The following GLIS3 variants were observed in gnomAD, a reference collection of about 807,000 sequenced individuals.
The protein encoded by GLIS3 is GLIS family zinc finger 3, also known as zinc finger protein GLIS3.
GLIS3 carries 53 observed loss-of-function variants against 78.6 expected under a neutral mutation model. That is an observed-to-expected ratio of 0.67 (90% CI 0.54 to 0.85). The LOEUF is 0.85. GLIS3 is among the 40% of genes least tolerant of loss of function. The probability of loss-of-function intolerance (pLI) is 0.00; values close to 1 mark genes in which losing one functional copy is unlikely to be tolerated. For missense variants in GLIS3, 1,703 were observed against 1,231.1 expected (o/e 1.38, Z -5.74); for synonymous variants, 684 against 509.9 (o/e 1.34, Z -4.60).
chr9:4,248,801 T>G (rs1473265783), intron 2 of GLIS3, among the ~76,000 whole-genome samples: 1 of 152,248 alleles, frequency 6.6e-6, no homozygotes, highest in African/African-American at 2.4e-5. Context: ...TGAGATGGTA[T>G]CTCACTGTGG....
chr9:4,266,942 C>A (rs1826065265), intron 2 of GLIS3, among the ~76,000 whole-genome samples: 1 of 152,178 alleles, frequency 6.6e-6, no homozygotes, highest in African/African-American at 2.4e-5. Flanking sequence ...TACAGACCTG[C>A]TGATAAGTGC....
intron 4 of GLIS3, among the ~76,000 whole-genome samples, chr9:4,014,523 GC>G (rs1822284530): frequency 6.6e-6 from 1 of 152,152 alleles, no homozygotes; most frequent in Admixed American, 6.6e-5. Flanking sequence ...GAAAATGCAG[GC>G]AGAAATTGGA....
chr9:4,091,361 C>T (rs576763974), intron 4 of GLIS3, among the ~76,000 whole-genome samples: 4 of 151,524 alleles, frequency 2.6e-5, no homozygotes, highest in Admixed American at 6.6e-5. Flanking sequence ...AGTGAAACCC[C>T]GTCTCAAAAA....
Position 3,825,082 on chromosome 9 carries a change from G to C in GLIS3, c.*3190C>G, listed in dbSNP as rs1364038087. ...CTATTCCCAATACTTCAAGGCAACTGGAAAGTCAAGGTTCTCAGATGAGGG... is the reference window on the plus strand; with the variant it reads ...CTATTCCCAATACTTCAAGGCAACTCGAAAGTCAAGGTTCTCAGATGAGGG... On this transcript the variant is annotated 3_prime_UTR_variant, in exon 11 of 11. Transcript: ENST00000381971. The C allele has an allele frequency of 2.0e-5, 3 of 152,112 alleles. No individual in the cohort carries two copies. Among genetic ancestry groups the C allele is most frequent in the Non-Finnish European group, 4.4e-5 (3 of 68,018 alleles). The allele number at this position is 152,112 out of a possible 1,614,324, so 9.4% of individuals were successfully genotyped here. A position where few individuals can be genotyped will look rare whatever the true frequency, so the allele number is the denominator to read the frequency against.
chr9:4,163,609 G>C (rs983309438), intron 2 of GLIS3, among the ~76,000 whole-genome samples: 1 of 152,208 alleles, frequency 6.6e-6, no homozygotes, highest in African/African-American at 2.4e-5. Flanking sequence ...ACTGAAATTA[G>C]ACTGCAAAGA....
At chr9:4,358,029 T>C in the GLIS3 span, among the ~76,000 whole-genome samples, 1 of 152,176 alleles carries the variant, frequency 6.6e-6, no homozygotes, top group African/African-American at 2.4e-5. Flanking sequence ...GTCTGTATGA[T>C]CTAATAAGAA....
intron 4 of GLIS3, among the ~76,000 whole-genome samples, chr9:4,093,366 C>G (rs1035416909): frequency 6.6e-6 from 1 of 152,182 alleles, no homozygotes; most frequent in Non-Finnish European, 1.5e-5. Flanking sequence ...AAGGCCCCCT[C>G]TTGCAAAGCG....
intron 4 of GLIS3, among the ~76,000 whole-genome samples, chr9:4,021,842 G>C (rs563936310): frequency 1.7e-4 from 26 of 152,240 alleles, no homozygotes; most frequent in African/African-American, 5.8e-4. Flanking sequence ...CAAAGCAATA[G>C]TTTTTTCAGT....
intron 4 of GLIS3, among the ~76,000 whole-genome samples, chr9:4,024,713 G>C (rs1270454069): frequency 2.0e-5 from 3 of 152,190 alleles, no homozygotes; most frequent in African/African-American, 7.2e-5. Context: ...GGACTTTTAA[G>C]ATTACAGGCA....
intron 2 of GLIS3, among the ~76,000 whole-genome samples, chr9:4,319,544 T>C (rs77786920): frequency 1.3e-5 from 2 of 151,978 alleles, no homozygotes; most frequent in African/African-American, 2.4e-5. Flanking sequence ...CTTTTTTTTT[T>C]CTAGAAACAG....
chr9:4,375,192 C>A, the GLIS3 span, among the ~76,000 whole-genome samples: 3 of 152,082 alleles, frequency 2.0e-5, no homozygotes, highest in East Asian at 1.9e-4. Context: ...TAATCAGCCT[C>A]GTTCAAAAGA....
chr9:4,115,987 C>T (rs917199396), intron 4 of GLIS3, among the ~76,000 whole-genome samples: 4 of 152,172 alleles, frequency 2.6e-5, no homozygotes, highest in African/African-American at 9.6e-5. Context: ...AACCTATCAG[C>T]TTATTCTTTC....
chr9:4,209,360 G>A (rs1820175869), intron 2 of GLIS3, among the ~76,000 whole-genome samples: 1 of 152,150 alleles, frequency 6.6e-6, no homozygotes, highest in Non-Finnish European at 1.5e-5. Flanking sequence ...CATAATGTCA[G>A]GGCATGTTAC....
At position 4,110,391 on chromosome 9, in the gene GLIS3, TCAA is replaced by T. The variant is rs371949127; in HGVS notation, c.1710+7374_1710+7376del. The stretch of plus-strand genomic sequence containing the variant: ...ACTGGTTATATCATGTTCCAATTTC[TCAA>T]CAACTTTTTAAACTAATCATTTAAA... On this transcript the variant is annotated intron_variant, in intron 4 of 10. Transcript: ENST00000381971. 1.1e-3 allele frequency among the ~76,000 whole-genome samples: 170 copies of T among 152,342 alleles called. 2 individuals carry two copies. The highest frequency in any genetic ancestry group is 3.9e-3 in the African/African-American group (162 of 41,590).
At chr9:4,334,697 A>G (rs1053542174) in intron 2 of GLIS3, among the ~76,000 whole-genome samples, 4 of 150,674 alleles carry the variant, frequency 2.7e-5, no homozygotes, top group Non-Finnish European at 5.9e-5. Flanking sequence ...ATACTCCCTC[A>G]ATCCACACTA....
intron 4 of GLIS3, among the ~76,000 whole-genome samples, chr9:4,113,407 A>C (rs1216638286): frequency 2.0e-5 from 3 of 152,200 alleles, no homozygotes; most frequent in Non-Finnish European, 4.4e-5. Context: ...AGGTATTACC[A>C]CATTGATCTC....
intron 2 of GLIS3, among the ~76,000 whole-genome samples, chr9:4,197,555 C>T (rs925326034): frequency 1.3e-5 from 2 of 152,196 alleles, no homozygotes; most frequent in African/African-American, 2.4e-5. Flanking sequence ...ATTTGGTGTC[C>T]GCCCACTGGA....
intron 7 of GLIS3, among the ~76,000 whole-genome samples, chr9:3,883,764 T>C (rs1273648049): frequency 6.6e-6 from 1 of 152,202 alleles, no homozygotes; most frequent in Non-Finnish European, 1.5e-5. Flanking sequence ...CTTCCAGACA[T>C]ACCTGATGAC....
At chr9:4,045,258 G>A (rs1030677566) in intron 4 of GLIS3, among the ~76,000 whole-genome samples, 1 of 152,098 alleles carries the variant, frequency 6.6e-6, no homozygotes, top group Admixed American at 6.6e-5. Context: ...GGAAACTGAT[G>A]TACACACTGG....
Sources: gnomAD v4.1 joint callset for allele counts (sites outside exome capture counted in the v4.1 genomes callset) on GRCh38, gnomAD v4.1.1 for gene constraint, MANE v1.5 for transcripts, NCBI Gene and HGNC (gene_info 2026-07-23, HGNC 2026-07-21) for gene names.